Variants in HOXC9 observed in about 807,000 individuals in gnomAD.
The protein encoded by HOXC9 is homeobox protein Hox-C9.
Under a neutral mutation model 20.0 loss-of-function variants are expected in HOXC9, and 10 were observed. That is an observed-to-expected ratio of 0.50 (90% CI 0.31 to 0.85). The LOEUF is 0.85. Ranked by LOEUF, HOXC9 falls within the 40% of genes least tolerant of loss-of-function variation. The probability of loss-of-function intolerance (pLI) is 0.05; values close to 1 mark genes in which losing one functional copy is unlikely to be tolerated. For synonymous variants in HOXC9, 200 were observed against 163.7 expected, an observed-to-expected ratio of 1.22 and a Z score of -1.69; for missense variants, 394 against 376.7, an observed-to-expected ratio of 1.05 and a Z score of -0.38.
chr12:54,000,689 C>T lies in HOXC9; in HGVS notation c.501C>T (p.Gly167=), dbSNP rs755855018. ...LPSPEADALA[G]SKHKEEKADL... The stretch of plus-strand genomic sequence containing the variant: ...CGCCCGAGGCGGACGCGCTCGCCGG[C>T]AGCAAGCACAAAGAGGAGAAGGCCG... The change falls in exon 1 of 2, where the codon GGC becomes GGT. Residue 167 remains glycine (G), a synonymous_variant. Coordinates refer to ENST00000303450, the MANE Select transcript of HOXC9 (RefSeq NM_006897.3). The T allele has an allele frequency of 1.3e-6, 2 of 1,567,748 alleles. No individual in the cohort carries two copies. Among genetic ancestry groups the T allele is most frequent in the Non-Finnish European group, 1.7e-6 (2 of 1,163,694 alleles).
rs765810390 is a variant in HOXC9, at chr12:54,002,507, G to C, written c.616G>C (p.Glu206Gln). ...RCPYTKYQTL[E>Q]LEKEFLFNMY... ...CCCCTACACCAAGTACCAGACGCTGGAACTGGAGAAGGAGTTTCTCTTCAA... is the reference window on the plus strand; with the variant it reads ...CCCCTACACCAAGTACCAGACGCTGCAACTGGAGAAGGAGTTTCTCTTCAA... The change falls in exon 2 of 2, where the codon GAA becomes CAA. Residue 206 changes from glutamate to glutamine, a missense_variant. Physicochemically the swap from Glu to Gln is conservative, Grantham distance 29. Transcript: ENST00000303450. The C allele has an allele frequency of 2.5e-6, 4 of 1,614,200 alleles. No individual in the cohort carries two copies. Among genetic ancestry groups the C allele is most frequent in the Non-Finnish European group, 2.5e-6 (3 of 1,180,032 alleles).
Position 54,000,721 on chromosome 12 carries a change from A to G in HOXC9, c.533A>G (p.Asp178Gly). The G allele has an allele frequency of 6.5e-7, 1 of 1,532,894 alleles. No individual in the cohort carries two copies. The allele number at this position is 1,532,894 out of a possible 1,614,324, so 95.0% of individuals were successfully genotyped here. ...CACAAAGAGGAGAAGGCCGACCTGG[A>G]CCCCAGTAAGTTGGGAGCAATTTTC... ...SKHKEEKADLDPSNPVANWIH... is the reference protein window; with the variant it reads ...SKHKEEKADLGPSNPVANWIH... Residue 178 changes from aspartate to glycine, a missense_variant, in exon 1 of 2, where the codon GAC becomes GGC. Coordinates refer to ENST00000303450, the MANE Select transcript of HOXC9 (RefSeq NM_006897.3).
chr12:54,000,780 G>A lies in HOXC9; in HGVS notation c.538+54G>A, dbSNP rs1036343086. On this transcript the variant is annotated intron_variant, in intron 1 of 1. Coordinates refer to ENST00000303450, the MANE Select transcript of HOXC9 (RefSeq NM_006897.3). ...CCGGCGCGGGAGGGGAGGGGAGGAC[G>A]GGCGGGGGCAGCCGAATTACAGCCC... The A allele has an allele frequency of 2.1e-6, 3 of 1,409,662 alleles. No individual in the cohort carries two copies. In the East Asian group the frequency reaches 8.1e-5, roughly 38 times the overall value. 87.3% of individuals were successfully genotyped at this position (1,409,662 alleles called of 1,614,324 possible). A position where few individuals can be genotyped will look rare whatever the true frequency, so the allele number is the denominator to read the frequency against.
Position 54,000,658 on chromosome 12 carries a change from T to G in HOXC9, c.470T>G (p.Leu157Arg), listed in dbSNP as rs1228150809. 6.4e-7 allele frequency: 1 copy of G among 1,558,736 alleles called. No homozygotes were observed. Residue 157 changes from leucine (L) to arginine (R), a missense_variant, in exon 1 of 2, where the codon CTG (leucine) becomes CGG (arginine). Coordinates refer to ENST00000303450, the MANE Select transcript of HOXC9 (RefSeq NM_006897.3). ...CTGCGCGACCGCGCCCCGCAGACAC[T>G]GCCCTCGCCCGAGGCGGACGCGCTC... ...GELRDRAPQT[L>R]PSPEADALAG...
At chr12:54,002,390 A>G (rs775626182) in intron 1 of HOXC9, 40 bp from the exon 2 acceptor site, 1 of 1,594,038 alleles carries the variant, frequency 6.3e-7, no homozygotes, top group East Asian at 2.2e-5. Flanking sequence ...CTGGGCTGGA[A>G]AGGGGCTCCA....
chr12:54,000,775 A>C, intron 1 of HOXC9, 49 bp downstream of exon 1: 1 of 1,359,598 alleles, frequency 7.4e-7, no homozygotes, highest in Non-Finnish European at 9.8e-7. Context: ...AGGGGAGGGG[A>C]GGACGGGCGG....
At chr12:54,002,381 T>C in intron 1 of HOXC9, 49 bp from the exon 2 acceptor site, 2 of 1,588,344 alleles carry the variant, frequency 1.3e-6, no homozygotes, top group Non-Finnish European at 1.7e-6. Flanking sequence ...GCAGAAGTCC[T>C]GGGCTGGAAA....
Position 54,000,306 on chromosome 12 carries a change from C to A in HOXC9, c.118C>A (p.Pro40Thr), listed in dbSNP as rs867917465. The A allele has an allele frequency of 1.2e-6, 2 of 1,614,062 alleles. No homozygotes were observed. The highest frequency in any genetic ancestry group is 1.7e-6 in the Non-Finnish European group (2 of 1,180,046). The stretch of plus-strand genomic sequence containing the variant: ...CGGGGCTCATCCCGCCGCCGCCAGA[C>A]CCAGCGGTTTGGTGCCGGACTGTAG... Reference protein sequence around the residue: ...ATGAHPAAARPSGLVPDCSDF... With the variant: ...ATGAHPAAARTSGLVPDCSDF... Residue 40 changes from proline (P) to threonine (T), a missense_variant, in exon 1 of 2, where the codon CCC becomes ACC. Coordinates refer to ENST00000303450, the MANE Select transcript of HOXC9 (RefSeq NM_006897.3).
chr12:54,000,437 GC>G lies in HOXC9; in HGVS notation c.253del (p.His85ThrfsTer133). The G allele has an allele frequency of 6.2e-7, 1 of 1,607,354 alleles. No homozygotes were observed. On this transcript the variant is annotated frameshift_variant, in exon 1 of 2. Coordinates refer to ENST00000303450, the MANE Select transcript of HOXC9 (RefSeq NM_006897.3). LOFTEE classifies it high-confidence loss of function. ...TGGTATATCACCCGTACGGCCCCCAGCCCCACCTCGGCGCCGACACGCGCTA... is the reference window on the plus strand; with the variant it reads ...TGGTATATCACCCGTACGGCCCCCAGCCCACCTCGGCGCCGACACGCGCTA... The part of the protein sequence containing the change: ...SVVYHPYGPQ[P>X]HLGADTRYMR...
Position 54,000,548 on chromosome 12 carries a change from G to A in HOXC9, c.360G>A (p.Pro120=), listed in dbSNP as rs772401811. Reference sequence around the variant, plus strand: ...GGGGCCGTCACTACGCCCTCAAGCCGGACGCCTACCCCGGGCGCCGCGCGG... The same window carrying A: ...GGGGCCGTCACTACGCCCTCAAGCCAGACGCCTACCCCGGGCGCCGCGCGG... The part of the protein sequence containing the change: ...PAGGRHYALK[P]DAYPGRRADC... Residue 120 remains proline, a synonymous_variant, in exon 1 of 2, where the codon CCG becomes CCA. Coordinates refer to ENST00000303450, the MANE Select transcript of HOXC9 (RefSeq NM_006897.3). The A allele has an allele frequency of 1.9e-6, 3 of 1,553,662 alleles. No homozygotes were observed. In the Admixed American group the frequency reaches 5.7e-5, roughly 30 times the overall value.
Position 54,002,457 on chromosome 12 carries a change from C to A in HOXC9, c.566C>A (p.Ala189Asp). The A allele has an allele frequency of 6.2e-7, 1 of 1,614,052 alleles. No individual in the cohort carries two copies. The highest frequency in any genetic ancestry group is 1.1e-5 in the South Asian group (1 of 91,058). ...PSNPVANWIH[A>D]RSTRKKRCPY... ...AACCCCGTGGCCAACTGGATTCACG[C>A]CCGCTCCACGAGGAAGAAGCGCTGC... Residue 189 changes from alanine to aspartate, a missense_variant, in exon 2 of 2, where the codon GCC becomes GAC. Transcript: ENST00000303450.
chr12:54,002,472 A>G lies in HOXC9; in HGVS notation c.581A>G (p.Lys194Arg). The G allele has an allele frequency of 1.9e-6, 3 of 1,614,170 alleles. No homozygotes were observed. The highest frequency in any genetic ancestry group is 2.5e-6 in the Non-Finnish European group (3 of 1,180,018). ...TGGATTCACGCCCGCTCCACGAGGA[A>G]GAAGCGCTGCCCCTACACCAAGTAC... is the stretch of plus-strand genomic sequence containing the variant. ...ANWIHARSTR[K>R]KRCPYTKYQT... The change falls in exon 2 of 2, where the codon AAG becomes AGG. Residue 194 changes from lysine to arginine, a missense_variant. Coordinates refer to ENST00000303450, the MANE Select transcript of HOXC9 (RefSeq NM_006897.3).
Position 54,000,522 on chromosome 12 carries a change from G to C in HOXC9, c.334G>C (p.Gly112Arg). 4 of 1,587,632 alleles carry C rather than the reference G, an allele frequency of 2.5e-6. No homozygotes were observed. The highest frequency in any genetic ancestry group is 2.6e-6 in the Non-Finnish European group (3 of 1,174,032). ...GAVSFPSFPA[G>R]GRHYALKPDA... ...CGTCTCCTTCCCCAGCTTCCCGGCC[G>C]GGGGCCGTCACTACGCCCTCAAGCC... Residue 112 changes from glycine (G) to arginine (R), a missense_variant, in exon 1 of 2, where the codon GGG becomes CGG. Transcript: ENST00000303450.
In HOXC9 at chr12:54,003,010, C is replaced by T. The variant is rs1029583882; in HGVS notation, c.*336C>T. The T allele has an allele frequency of 6.9e-5, 13 of 188,538 alleles. No homozygotes were observed. The highest frequency in any genetic ancestry group is 9.8e-5 in the Non-Finnish European group (9 of 92,304). 11.7% of individuals were successfully genotyped at this position (188,538 alleles called of 1,614,324 possible). The stretch of plus-strand genomic sequence containing the variant: ...TCTTCAGAGAAGCCAGTACTTGAAT[C>T]GCTATATTTCTATTTTTTTTTCCCT... On this transcript the variant is annotated 3_prime_UTR_variant, in exon 2 of 2. Coordinates refer to ENST00000303450, the MANE Select transcript of HOXC9 (RefSeq NM_006897.3).
rs772057823 is a variant in HOXC9 at position 54,002,587 on chromosome 12, C to T, written c.696C>T (p.Thr232=). ...RYEVARVLNL[T]ERQVKIWFQN... ...AGGTGGCCCGGGTTCTCAATCTCAC[C>T]GAGCGGCAGGTCAAAATCTGGTTTC... Residue 232 remains threonine (T), a synonymous_variant, in exon 2 of 2, where the codon ACC becomes ACT. Transcript: ENST00000303450. The T allele has an allele frequency of 1.3e-4, 209 of 1,613,944 alleles. No homozygotes were observed. In the East Asian group the frequency reaches 2.1e-3, roughly 16 times the overall value.
rs778415563 is a variant in HOXC9, at chr12:54,000,370, T to A, written c.182T>A (p.Val61Glu). 1.9e-6 allele frequency: 3 copies of A among 1,613,732 alleles called. No individual in the cohort carries two copies. In the South Asian group the frequency reaches 3.3e-5, roughly 18 times the overall value. ...TGTAGCTTCGCGCCCAAGCCGGCAG[T>A]GTTCAGCACGTCGTGGGCGCCCGTG... ...PSCSFAPKPAVFSTSWAPVPS... is the reference protein window; with the variant it reads ...PSCSFAPKPAEFSTSWAPVPS... The change falls in exon 1 of 2, where the codon GTG becomes GAG. Residue 61 changes from valine (V) to glutamate (E), a missense_variant. Coordinates refer to ENST00000303450, the MANE Select transcript of HOXC9 (RefSeq NM_006897.3).
In HOXC9 at chr12:54,000,242, C is replaced by G; in HGVS notation, c.54C>G (p.His18Gln). Residue 18 changes from histidine to glutamine, a missense_variant, in exon 1 of 2, where the codon CAC becomes CAG. His to Gln is a conservative substitution (Grantham distance 24, BLOSUM62 0). Coordinates refer to ENST00000303450, the MANE Select transcript of HOXC9 (RefSeq NM_006897.3). The stretch of plus-strand genomic sequence containing the variant: ...ATTACGTGGACTCGCTCATCTCTCA[C>G]GACAATGAAGACCTCCTAGCGTCCA... ...SNYYVDSLIS[H>Q]DNEDLLASRF... 6.2e-7 allele frequency: 1 copy of G among 1,614,198 alleles called. No individual in the cohort carries two copies. Among genetic ancestry groups the G allele is most frequent in the South Asian group, 1.1e-5 (1 of 91,082 alleles).
chr12:54,002,327 A>G, intron 1 of HOXC9, 103 bp from the exon 2 acceptor site: 1 of 1,375,756 alleles, frequency 7.3e-7, no homozygotes, highest in Non-Finnish European at 9.9e-7. Context: ...ATTCAGGTTC[A>G]GTTATTGCAT....
intron 1 of HOXC9, among the ~76,000 whole-genome samples, chr12:54,001,180 C>T (rs1416983890): frequency 2.0e-5 from 3 of 151,990 alleles, no homozygotes; most frequent in Admixed American, 1.3e-4. Flanking sequence ...CGTGGAGGTC[C>T]TCACCCCACT....
Sources: allele counts gnomAD v4.1 joint callset (sites outside exome capture counted in the v4.1 genomes callset), GRCh38; gene constraint gnomAD v4.1.1; transcripts MANE v1.5; gene names NCBI Gene and HGNC (gene_info 2026-07-23, HGNC 2026-07-21).